Variants in ANKRD13A observed in about 807,000 individuals in gnomAD.
ANKRD13A encodes the protein ankyrin repeat domain 13A.
A neutral mutation model predicts 81.3 loss-of-function variants in ANKRD13A; 48 were observed. The ratio of observed to expected loss-of-function variants is 0.59; its 90% CI spans 0.47 to 0.75. The LOEUF is 0.75. Among genes scored for constraint, ANKRD13A ranks in the 30% least tolerant of loss-of-function variants. ANKRD13A has a pLI of 0.00. For synonymous variants in ANKRD13A, 230 were observed against 270.1 expected (o/e 0.85, Z 1.45); for missense variants, 612 against 734.0 (o/e 0.83, Z 1.92).
In ANKRD13A at chr12:110,036,673, C is replaced by T. The variant is rs1397392927; in HGVS notation, c.1577+345C>T. Among the ~76,000 whole-genome samples, 2 of 152,114 alleles carry T rather than the reference C, an allele frequency of 1.3e-5. No homozygotes were observed. Among genetic ancestry groups the T allele is most frequent in the Admixed American group, 6.5e-5 (1 of 15,272 alleles). ...AGGCTGAGGCAGGAGAATGGCAAAC[C>T]CAGGAGGCGGAGCTTGCAGTGAGCC... On this transcript the variant is annotated intron_variant, in intron 14 of 14. Coordinates refer to ENST00000261739, the MANE Select transcript of ANKRD13A (RefSeq NM_033121.2). This position sits in a 1 kb window ranked among gnomAD's most constrained non-coding sequence, Gnocchi z 4.6.
chr12:110,004,140 AG>A (rs2137077202), intron 1 of ANKRD13A, among the ~76,000 whole-genome samples: 1 of 151,982 alleles, frequency 6.6e-6, no homozygotes, highest in South Asian at 2.1e-4. Flanking sequence ...GCCCGGCAAC[AG>A]TATGAGACTC....
At chr12:110,017,567 C>G (rs1890858109) in intron 4 of ANKRD13A, among the ~76,000 whole-genome samples, 1 of 152,118 alleles carries the variant, frequency 6.6e-6, no homozygotes, top group Non-Finnish European at 1.5e-5. Context: ...AAGAATAGAA[C>G]TTCAGATTGT....
At chr12:110,022,780 C>T (rs998295761) in intron 6 of ANKRD13A, among the ~76,000 whole-genome samples, 4 of 152,166 alleles carry the variant, frequency 2.6e-5, no homozygotes, top group Non-Finnish European at 5.9e-5. Context: ...AGTCTGGTTC[C>T]TTACCTTCTG....
chr12:110,012,981 G>A (rs772023665), intron 2 of ANKRD13A, 144 bp from the exon 3 acceptor site: 5 of 788,600 alleles, frequency 6.3e-6, no homozygotes, highest in Non-Finnish European at 1.0e-5. Flanking sequence ...CTAGCAATCA[G>A]AAGTCATGAT....
At chr12:110,017,100 G>A (rs1247412196) in intron 4 of ANKRD13A, among the ~76,000 whole-genome samples, 2 of 151,820 alleles carry the variant, frequency 1.3e-5, no homozygotes, top group Non-Finnish European at 2.9e-5. Flanking sequence ...AGTAGAGATG[G>A]GGTTTCATTA....
chr12:110,007,094 T>C (rs1469015218), intron 1 of ANKRD13A, among the ~76,000 whole-genome samples: 1 of 152,224 alleles, frequency 6.6e-6, no homozygotes. Flanking sequence ...TTGTCTTGAT[T>C]GCTGTAGCTT....
In ANKRD13A at chr12:110,019,166, A is replaced by T. The variant is rs748494840; in HGVS notation, c.572A>T (p.Asn191Ile). ...AACTGGGCGGAGTTAATGGAAGTCA[A>T]CCATGATGACAAAGTGGTCACCACC... ...EDNWAELMEVNHDDKVVTTER... is the reference protein window; with the variant it reads ...EDNWAELMEVIHDDKVVTTER... Residue 191 changes from asparagine (N) to isoleucine (I), a missense_variant, in exon 6 of 15, where the codon AAC (asparagine) becomes ATC (isoleucine). Transcript: ENST00000261739. The T allele has an allele frequency of 6.2e-7, 1 of 1,606,934 alleles. No homozygotes were observed. Among genetic ancestry groups the T allele is most frequent in the Non-Finnish European group, 8.5e-7 (1 of 1,175,646 alleles).
At position 110,036,454 on chromosome 12, in the gene ANKRD13A, G is replaced by T. The variant is rs1892054847; in HGVS notation, c.1577+126G>T. On this transcript the variant is annotated intron_variant, in intron 14 of 14. Coordinates refer to ENST00000261739, the MANE Select transcript of ANKRD13A (RefSeq NM_033121.2). This position sits in a 1 kb window ranked among gnomAD's most constrained non-coding sequence, Gnocchi z 4.6. ...TACGGTGCCACAAACTGGCAGGAAAGACTAGAAAAAGTAGGCCAGGAGCGG... is the reference window on the plus strand; with the variant it reads ...TACGGTGCCACAAACTGGCAGGAAATACTAGAAAAAGTAGGCCAGGAGCGG... The T allele has an allele frequency of 6.5e-6, 7 of 1,070,034 alleles. No homozygotes were observed. Among genetic ancestry groups the T allele is most frequent in the Non-Finnish European group, 7.2e-6 (5 of 696,676 alleles). The allele number at this position is 1,070,034 out of a possible 1,614,324, so 66.3% of individuals were successfully genotyped here.
At chr12:110,020,991 T>C (rs1222653007) in intron 6 of ANKRD13A, 1 of 351,692 alleles carries the variant, frequency 2.8e-6, no homozygotes, top group Non-Finnish European at 5.9e-6. Context: ...TGAAGTGCGA[T>C]TTGTGAAGAG....
rs531416006 is a variant in ANKRD13A at position 110,027,994 on chromosome 12, C to T, written c.945+228C>T. 6 of 535,704 alleles carry T rather than the reference C, an allele frequency of 1.1e-5. No individual in the cohort carries two copies. The African/African-American group carries it at 1.1e-4, about 10-fold the overall frequency. 33.2% of individuals were successfully genotyped at this position (535,704 alleles called of 1,614,324 possible). A position where few individuals can be genotyped will look rare whatever the true frequency, so the allele number is the denominator to read the frequency against. On this transcript the variant is annotated intron_variant, in intron 9 of 14. Coordinates refer to ENST00000261739, the MANE Select transcript of ANKRD13A (RefSeq NM_033121.2). ...AGTGATTATAGAAATCAGGTGCTTTCCCTCTTATCCATTATAAACGAGGGG... is the reference window on the plus strand; with the variant it reads ...AGTGATTATAGAAATCAGGTGCTTTTCCTCTTATCCATTATAAACGAGGGG...
chr12:110,024,955 T>C (rs145565803), intron 7 of ANKRD13A, among the ~76,000 whole-genome samples: 2 of 152,362 alleles, frequency 1.3e-5, no homozygotes, highest in African/African-American at 4.8e-5. Flanking sequence ...TTTTAAATAG[T>C]GACTTGCTGG....
chr12:110,015,516 C>G (rs945991405), intron 3 of ANKRD13A, among the ~76,000 whole-genome samples: 14 of 152,156 alleles, frequency 9.2e-5, no homozygotes, highest in African/African-American at 2.7e-4. Context: ...ACTTTTATCC[C>G]CCTCCAATCC....
chr12:110,017,927 G>A (rs545005967), intron 4 of ANKRD13A, among the ~76,000 whole-genome samples: 10 of 148,920 alleles, frequency 6.7e-5, no homozygotes, highest in East Asian at 2.0e-4. Context: ...GTGAGACTCC[G>A]TCTCAAAAAA....
At position 109,999,936 on chromosome 12, in the gene ANKRD13A, C is replaced by G. The variant is rs1263204996; in HGVS notation, c.96+152C>G. The G allele has an allele frequency of 3.5e-6, 2 of 567,266 alleles. No individual in the cohort carries two copies. Among genetic ancestry groups the G allele is most frequent in the Non-Finnish European group, 5.7e-6 (2 of 348,698 alleles). 35.1% of individuals were successfully genotyped at this position (567,266 alleles called of 1,614,324 possible). A position where few individuals can be genotyped will look rare whatever the true frequency, so the allele number is the denominator to read the frequency against. On this transcript the variant is annotated intron_variant, in intron 1 of 14. Transcript: ENST00000261739. The surrounding 1 kb of genome is among the most constrained non-coding windows in gnomAD (Gnocchi z 4.3). ...GTGGGACAGTCCTAATAATAGGACA[C>G]GTATCGAGTGCTTACCGTGCGACGG...
chr12:110,028,428 T>A (rs1178554190), intron 9 of ANKRD13A, 84 bp from the exon 10 acceptor site: 30 of 1,522,308 alleles, frequency 2.0e-5, no homozygotes, highest in Non-Finnish European at 2.6e-5. Flanking sequence ...GGTTAACACG[T>A]CCACCTCAGA....
At chr12:110,017,385 G>A (rs1018384191) in intron 4 of ANKRD13A, among the ~76,000 whole-genome samples, 12 of 151,848 alleles carry the variant, frequency 7.9e-5, no homozygotes, top group African/African-American at 2.7e-4. Context: ...AAAGTATTAC[G>A]TAGGCAGTTG....
In ANKRD13A at chr12:110,018,253, C is replaced by G; in HGVS notation, c.401-92C>G. The G allele has an allele frequency of 7.2e-7, 1 of 1,381,204 alleles. No individual in the cohort carries two copies. The highest frequency in any genetic ancestry group is 9.9e-7 in the Non-Finnish European group (1 of 1,010,086). The allele number at this position is 1,381,204 out of a possible 1,614,324, so 85.6% of individuals were successfully genotyped here. ...TTGATGGTCACCATCTTGCCACTCCCCTCCTTTTATTAAATCAGAATCCTG... is the reference window on the plus strand; with the variant it reads ...TTGATGGTCACCATCTTGCCACTCCGCTCCTTTTATTAAATCAGAATCCTG... On this transcript the variant is annotated intron_variant, in intron 4 of 14. Transcript: ENST00000261739. The surrounding 1 kb of genome is among the most constrained non-coding windows in gnomAD (Gnocchi z 4.4).
chr12:110,023,948 A>C, intron 6 of ANKRD13A, 98 bp from the exon 7 acceptor site: 1 of 1,220,702 alleles, frequency 8.2e-7, no homozygotes, highest in Non-Finnish European at 1.2e-6. Flanking sequence ...GTCCTTCACT[A>C]ACTTAAGCTG....
chr12:110,023,490 C>G (rs1891173919), intron 6 of ANKRD13A: 3 of 152,330 alleles, frequency 2.0e-5, no homozygotes, highest in African/African-American at 7.2e-5. Flanking sequence ...TGTGACTCAG[C>G]TATTTTGCAG....
Sources: allele counts gnomAD v4.1 joint callset (sites outside exome capture counted in the v4.1 genomes callset), GRCh38; gene constraint gnomAD v4.1.1; non-coding constraint Gnocchi (gnomAD v3.1); transcripts MANE v1.5; gene names NCBI Gene and HGNC (gene_info 2026-07-23, HGNC 2026-07-21).